Variants in MARCHF1 observed in about 807,000 individuals in gnomAD.
MARCHF1 encodes E3 ubiquitin-protein ligase MARCHF1.
A neutral mutation model predicts 54.2 loss-of-function variants in MARCHF1; 40 were observed. The ratio of observed to expected loss-of-function variants is 0.74; its 90% CI spans 0.57 to 0.96. The LOEUF is 0.96. MARCHF1 is among the 40% of genes least tolerant of loss of function. The probability of loss-of-function intolerance (pLI) is 0.00; values close to 1 mark genes in which losing one functional copy is unlikely to be tolerated. For synonymous variants in MARCHF1, 236 were observed against 236.3 expected (o/e 1.00, Z 0.01); for missense variants, 586 against 656.5 (o/e 0.89, Z 1.17).
At chr4:164,320,934 TAG>T (rs1735125394) in intron 1 of MARCHF1, among the ~76,000 whole-genome samples, 2 of 152,156 alleles carry the variant, frequency 1.3e-5, no homozygotes, top group South Asian at 4.1e-4. Context: ...AAGCGTTGGC[TAG>T]AGTCTCGGAA....
intron 4 of MARCHF1, among the ~76,000 whole-genome samples, chr4:163,705,151 C>G (rs1447853240): frequency 6.6e-6 from 1 of 151,532 alleles, no homozygotes; most frequent in Non-Finnish European, 1.5e-5. Context: ...CTATATGCTC[C>G]TAAAATGGAT....
chr4:164,013,055 C>A (rs754899373), intron 2 of MARCHF1, among the ~76,000 whole-genome samples: 4 of 152,084 alleles, frequency 2.6e-5, no homozygotes, highest in Non-Finnish European at 4.4e-5. Flanking sequence ...AAAGAAGGCA[C>A]TAGCAACCAA....
chr4:163,886,196 T>A (rs1389484624), intron 3 of MARCHF1, among the ~76,000 whole-genome samples: 1 of 150,238 alleles, frequency 6.7e-6, no homozygotes, highest in African/African-American at 2.4e-5. Context: ...AATCTATAGA[T>A]CTATCTCTCA....
At chr4:164,078,562 T>C (rs1267309864) in intron 2 of MARCHF1, among the ~76,000 whole-genome samples, 4 of 151,936 alleles carry the variant, frequency 2.6e-5, no homozygotes, top group African/African-American at 9.7e-5. Context: ...AGAACAACTA[T>C]GTTTGTTGTG....
At chr4:163,718,463 A>C (rs998632627) in intron 4 of MARCHF1, among the ~76,000 whole-genome samples, 1 of 152,232 alleles carries the variant, frequency 6.6e-6, no homozygotes, top group African/African-American at 2.4e-5. Context: ...ACAAGAAAAA[A>C]ACATTTATTT....
chr4:164,210,317 G>A (rs1731729216), intron 1 of MARCHF1, among the ~76,000 whole-genome samples: 1 of 152,116 alleles, frequency 6.6e-6, no homozygotes, highest in African/African-American at 2.4e-5. Context: ...CAGCTTCATG[G>A]CAGATTATAT....
At chr4:163,725,093 C>T (rs969692982) in intron 4 of MARCHF1, among the ~76,000 whole-genome samples, 6 of 152,140 alleles carry the variant, frequency 3.9e-5, no homozygotes, top group South Asian at 2.1e-4. Context: ...CCGTCTGCGT[C>T]GCTCACGCTG....
Position 163,816,054 on chromosome 4 carries a change from G to A in MARCHF1, c.111+37967C>T, listed in dbSNP as rs778776939. Among the ~76,000 whole-genome samples the A allele has an allele frequency of 6.6e-5, 10 of 152,120 alleles. No homozygotes were observed. The South Asian group carries it at 8.3e-4, about 13-fold the overall frequency. ...GGTTACCAGAAATTACTTATTTCAC[G>A]GCAACCATATTGCATCAGAGTTGCC... On this transcript the variant is annotated intron_variant, in intron 4 of 9. Transcript: ENST00000514618.
At chr4:163,942,312 T>A (rs1343279019) in intron 3 of MARCHF1, among the ~76,000 whole-genome samples, 1 of 152,210 alleles carries the variant, frequency 6.6e-6, no homozygotes, top group Non-Finnish European at 1.5e-5. Context: ...CTCTCCTTCG[T>A]ATACAGTTCT....
intron 3 of MARCHF1, among the ~76,000 whole-genome samples, chr4:163,930,001 T>TA (rs201996955): frequency 0.11 from 15,219 of 132,770 alleles, 1,018 homozygotes; most frequent in Non-Finnish European, 0.13. Context: ...TAATATATTA[T>TA]ATATAAATAT....
At chr4:164,140,300 T>C (rs988618172) in intron 1 of MARCHF1, among the ~76,000 whole-genome samples, 5 of 151,860 alleles carry the variant, frequency 3.3e-5, no homozygotes, top group African/African-American at 1.2e-4. Context: ...ATGTTTATCA[T>C]TTCTTTTGAA....
chr4:163,986,393 T>C (rs1431474076), intron 3 of MARCHF1, among the ~76,000 whole-genome samples: 1 of 151,208 alleles, frequency 6.6e-6, no homozygotes, highest in African/African-American at 2.4e-5. Context: ...GCCTCCTGAG[T>C]AGCTGGGACC....
At chr4:163,755,779 A>C (rs1561060122) in intron 4 of MARCHF1, among the ~76,000 whole-genome samples, 1 of 152,146 alleles carries the variant, frequency 6.6e-6, no homozygotes, top group African/African-American at 2.4e-5. Flanking sequence ...TTTGACAGAA[A>C]ACTGAGCAAG....
chr4:164,127,116 C>A (rs977642363), intron 1 of MARCHF1, among the ~76,000 whole-genome samples: 5 of 145,820 alleles, frequency 3.4e-5, no homozygotes, highest in Non-Finnish European at 7.6e-5. Context: ...ACTGGAGAAA[C>A]AGTGATCCTT....
chr4:164,309,187 G>T (rs184360105), intron 1 of MARCHF1, among the ~76,000 whole-genome samples: 1 of 149,030 alleles, frequency 6.7e-6, no homozygotes, highest in Admixed American at 6.8e-5. Context: ...ATTTGTGTAC[G>T]TGGCCAAAAA....
intron 9 of MARCHF1, among the ~76,000 whole-genome samples, chr4:163,537,368 G>A (rs1738570773): frequency 6.6e-6 from 1 of 152,174 alleles, no homozygotes; most frequent in African/African-American, 2.4e-5. Flanking sequence ...GAGAAAGGAA[G>A]GCACTAAATC....
chr4:164,222,105 C>G (rs2111154495), intron 1 of MARCHF1, among the ~76,000 whole-genome samples: 2 of 152,060 alleles, frequency 1.3e-5, no homozygotes, highest in South Asian at 2.1e-4. Flanking sequence ...GAAATTTTTT[C>G]TAAGTGCCTT....
intron 1 of MARCHF1, among the ~76,000 whole-genome samples, chr4:164,149,563 A>G (rs17044577): frequency 0.012 from 1,868 of 152,214 alleles, 34 homozygotes; most frequent in African/African-American, 0.04. Context: ...TTTAATCAAT[A>G]CATTTTTTAT....
intron 2 of MARCHF1, among the ~76,000 whole-genome samples, chr4:164,097,512 C>T (rs185713752): frequency 7.9e-5 from 12 of 152,156 alleles, no homozygotes; most frequent in East Asian, 1.9e-4. Flanking sequence ...TAAACATATG[C>T]CTAGATCTTG....
Sources: gnomAD v4.1 joint callset for allele counts (sites outside exome capture counted in the v4.1 genomes callset) on GRCh38, gnomAD v4.1.1 for gene constraint, MANE v1.5 for transcripts, NCBI Gene and HGNC (gene_info 2026-07-23, HGNC 2026-07-21) for gene names.